ARHGEF4: variants seen among roughly 807,000 people sequenced by gnomAD.
The protein encoded by ARHGEF4 is APC-stimulated guanine nucleotide exchange factor 1.
In ARHGEF4, 119 loss-of-function variants were observed where a neutral mutation model predicts 162.0. The observed-to-expected ratio is 0.73, with a 90% CI of 0.63 to 0.86. The LOEUF (loss-of-function observed/expected upper bound fraction) is 0.86, where lower values mean the gene tolerates loss of function less well. ARHGEF4 is among the 40% of genes least tolerant of loss of function. ARHGEF4 has a pLI of 0.00. For synonymous variants in ARHGEF4, 1,014 were observed against 979.9 expected (o/e 1.03, Z -0.65); for missense variants, 2,488 against 2,456.0 (o/e 1.01, Z -0.28).
At position 131,044,408 on chromosome 2, in the gene ARHGEF4, A is replaced by G. The variant is rs1157321510; in HGVS notation, c.5267A>G (p.Lys1756Arg). The G allele has an allele frequency of 3.8e-6, 6 of 1,579,364 alleles. No individual in the cohort carries two copies. In the African/African-American group the frequency reaches 5.4e-5, roughly 14 times the overall value. ...GKDRDLHVSI[K>R]NAFRLHRGAT... ...GACAGAGACCTCCATGTGAGCATCA[A>G]GAACGCCTTCCGGCTGCACCGTGGC... Residue 1756 changes from lysine to arginine, a missense_variant, in exon 12 of 14, where the codon AAG (lysine) becomes AGG (arginine). By Grantham distance (26) the Lys-to-Arg change is conservative. Coordinates refer to ENST00000409359, the MANE Select transcript of ARHGEF4 (RefSeq NM_001367493.1).
At chr2:130,920,746 T>G (rs1681823760) in intron 2 of ARHGEF4, among the ~76,000 whole-genome samples, 1 of 152,240 alleles carries the variant, frequency 6.6e-6, no homozygotes, top group South Asian at 2.1e-4. Flanking sequence ...ACAACCATTC[T>G]TAATATTTTG....
rs374091599 is a variant in ARHGEF4, at chr2:131,040,073, G to A, written c.4363G>A (p.Gly1455Arg). 7.5e-5 allele frequency: 120 copies of A among 1,600,770 alleles called. No individual in the cohort carries two copies. Among genetic ancestry groups the A allele is most frequent in the Non-Finnish European group, 9.5e-5 (112 of 1,174,136 alleles). ...DDDAPLAGNS[G>R]AEDGGAEAQS... ...CGACGCCCCTCTGGCCGGGAACAGCGGAGCGGAGGACGGCGGGGCGGAGGC... is the reference window on the plus strand; with the variant it reads ...CGACGCCCCTCTGGCCGGGAACAGCAGAGCGGAGGACGGCGGGGCGGAGGC... Residue 1455 changes from glycine (G) to arginine (R), a missense_variant, in exon 7 of 14, where the codon GGA (glycine) becomes AGA (arginine). Physicochemically the swap from Gly to Arg is moderately radical, Grantham distance 125. Coordinates refer to ENST00000409359, the MANE Select transcript of ARHGEF4 (RefSeq NM_001367493.1).
At chr2:130,996,656 C>G (rs1347932970) in intron 4 of ARHGEF4, among the ~76,000 whole-genome samples, 1 of 152,104 alleles carries the variant, frequency 6.6e-6, no homozygotes, top group East Asian at 1.9e-4. Flanking sequence ...TGGTGGATGC[C>G]TATCCAGGAA....
chr2:130,915,850 C>T lies in ARHGEF4; in HGVS notation c.1904C>T (p.Ala635Val). The part of the protein sequence containing the change: ...SRGRGALIIV[A>V]VEQKGLQASR... Reference sequence around the variant, plus strand: ...GGCAGGGGCGCCCTCATCATTGTAGCTGTGGAGCAGAAAGGTCTTCAGGCC... The same window carrying T: ...GGCAGGGGCGCCCTCATCATTGTAGTTGTGGAGCAGAAAGGTCTTCAGGCC... Residue 635 changes from alanine to valine, a missense_variant, in exon 2 of 14, where the codon GCT (alanine) becomes GTT (valine). By Grantham distance (64) the Ala-to-Val change is moderately conservative. Coordinates refer to ENST00000409359, the MANE Select transcript of ARHGEF4 (RefSeq NM_001367493.1). The T allele has an allele frequency of 6.5e-7, 1 of 1,541,474 alleles. No individual in the cohort carries two copies. Among genetic ancestry groups the T allele is most frequent in the South Asian group, 1.2e-5 (1 of 82,348 alleles).
At chr2:130,855,841 TAAAC>T (rs1389313553) in intron 1 of ARHGEF4, among the ~76,000 whole-genome samples, 1 of 150,984 alleles carries the variant, frequency 6.6e-6, no homozygotes, top group Admixed American at 6.6e-5. Context: ...TTTAAACAAA[TAAAC>T]AATTGACCAA....
chr2:131,012,412 A>T (rs1645174425), intron 4 of ARHGEF4, among the ~76,000 whole-genome samples: 1 of 152,178 alleles, frequency 6.6e-6, no homozygotes, highest in Non-Finnish European at 1.5e-5. Flanking sequence ...CAGTGCAGAA[A>T]TGTGCAAATA....
At chr2:130,945,051 C>A (rs1683519084) in intron 3 of ARHGEF4, among the ~76,000 whole-genome samples, 1 of 151,994 alleles carries the variant, frequency 6.6e-6, no homozygotes. Flanking sequence ...CCCTGTGGGA[C>A]CTGAAATATG....
chr2:130,992,843 GGAGGCT>G (rs1427544816), intron 4 of ARHGEF4, among the ~76,000 whole-genome samples: 1 of 152,222 alleles, frequency 6.6e-6, no homozygotes, highest in Non-Finnish European at 1.5e-5. Flanking sequence ...CAGCACTTTG[GGAGGCT>G]GAGGTGGGTA....
At chr2:130,982,987 A>AT (rs1428342651) in intron 4 of ARHGEF4, among the ~76,000 whole-genome samples, 1 of 152,226 alleles carries the variant, frequency 6.6e-6, no homozygotes, top group Non-Finnish European at 1.5e-5. Context: ...AGATATGAAC[A>AT]TTTTATATAG....
chr2:130,866,196 C>T (rs1390548203), intron 1 of ARHGEF4, among the ~76,000 whole-genome samples: 3 of 152,036 alleles, frequency 2.0e-5, no homozygotes, highest in Non-Finnish European at 4.4e-5. Context: ...CACAGCAAGG[C>T]CACATCTCTA....
At chr2:130,855,522 A>G (rs1681716896) in intron 1 of ARHGEF4, among the ~76,000 whole-genome samples, 1 of 152,212 alleles carries the variant, frequency 6.6e-6, no homozygotes, top group Non-Finnish European at 1.5e-5. Flanking sequence ...ATCTTCAGCA[A>G]CAATGTGTGA....
At chr2:130,875,109 T>C (rs1250050565) in intron 1 of ARHGEF4, among the ~76,000 whole-genome samples, 5 of 152,220 alleles carry the variant, frequency 3.3e-5, no homozygotes, top group Non-Finnish European at 7.3e-5. Flanking sequence ...ATTCTGATTT[T>C]CCTTCTCCCT....
At chr2:130,933,690 C>T (rs899547925) in intron 3 of ARHGEF4, among the ~76,000 whole-genome samples, 2 of 152,124 alleles carry the variant, frequency 1.3e-5, no homozygotes, top group South Asian at 4.1e-4. Flanking sequence ...TTGATGACAT[C>T]ATAAATGGAA....
intron 4 of ARHGEF4, among the ~76,000 whole-genome samples, chr2:130,979,920 A>G (rs558783943): frequency 2.0e-5 from 3 of 152,260 alleles, no homozygotes; most frequent in African/African-American, 7.2e-5. Flanking sequence ...TTCTCAAACA[A>G]TAAGACCTAA....
intron 1 of ARHGEF4, among the ~76,000 whole-genome samples, chr2:130,881,216 T>C (rs992665831): frequency 1.2e-4 from 19 of 152,042 alleles, no homozygotes; most frequent in African/African-American, 4.4e-4. Flanking sequence ...TTAGTAAAGA[T>C]GGGTTTCACC....
intron 1 of ARHGEF4, among the ~76,000 whole-genome samples, chr2:130,906,602 G>A (rs990525223): frequency 6.6e-5 from 10 of 152,166 alleles, no homozygotes; most frequent in Admixed American, 2.6e-4. Flanking sequence ...GACCAGCCTG[G>A]CCAACATGGC....
chr2:130,995,347 A>C (rs1366409877), intron 4 of ARHGEF4, among the ~76,000 whole-genome samples: 5 of 152,216 alleles, frequency 3.3e-5, no homozygotes, highest in African/African-American at 1.2e-4. Context: ...ACTTTGACTC[A>C]AGAGCTTCCG....
chr2:130,953,672 A>G (rs1029349281), intron 4 of ARHGEF4, among the ~76,000 whole-genome samples: 4 of 152,248 alleles, frequency 2.6e-5, no homozygotes, highest in Non-Finnish European at 4.4e-5. Context: ...CAAAGGGCTA[A>G]CATCCAGAAT....
At chr2:130,935,894 C>A (rs1682915226) in intron 3 of ARHGEF4, among the ~76,000 whole-genome samples, 1 of 152,172 alleles carries the variant, frequency 6.6e-6, no homozygotes, top group South Asian at 2.1e-4. Flanking sequence ...TGGTGAAACC[C>A]AGTCTCTACT....
Sources: allele counts gnomAD v4.1 joint callset (sites outside exome capture counted in the v4.1 genomes callset), GRCh38; gene constraint gnomAD v4.1.1; transcripts MANE v1.5; gene names NCBI Gene and HGNC (gene_info 2026-07-23, HGNC 2026-07-21).